The following ABCG2 variants were observed in gnomAD, a reference collection of about 807,000 sequenced individuals.
ABCG2 encodes the protein ATP binding cassette subfamily G member 2 (JR blood group).
Under a neutral mutation model 73.5 loss-of-function variants are expected in ABCG2, and 80 were observed. The observed-to-expected ratio is 1.09, with a 90% CI of 0.91 to 1.31. The LOEUF (loss-of-function observed/expected upper bound fraction) is 1.31. Ranked by LOEUF, ABCG2 falls within the 50% of genes most tolerant of loss-of-function variation. ABCG2 has a pLI of 0.00. For synonymous variants in ABCG2, 269 were observed against 282.4 expected (o/e 0.95, Z 0.48); for missense variants, 796 against 786.2 (o/e 1.01, Z -0.15).
At chr4:88,180,966 A>C (rs912925733) in intron 1 of ABCG2, among the ~76,000 whole-genome samples, 1 of 152,218 alleles carries the variant, frequency 6.6e-6, no homozygotes. Context: ...ACTTTTCAAG[A>C]CATAAAAAGT....
At chr4:88,213,895 A>G (rs1407341559) in intron 1 of ABCG2, among the ~76,000 whole-genome samples, 1 of 146,662 alleles carries the variant, frequency 6.8e-6, no homozygotes, top group South Asian at 2.3e-4. Flanking sequence ...GTTGGCAAGG[A>G]TGGTCTTGAT....
chr4:88,173,201 A>C (rs1018578174), intron 1 of ABCG2, among the ~76,000 whole-genome samples: 1 of 152,238 alleles, frequency 6.6e-6, no homozygotes, highest in Non-Finnish European at 1.5e-5. Context: ...TAGAAAGCAT[A>C]GTATGACAAA....
intron 7 of ABCG2, among the ~76,000 whole-genome samples, chr4:88,115,284 A>ATATAT (rs58774529): frequency 6.8e-5 from 5 of 73,176 alleles, no homozygotes; most frequent in African/African-American, 2.5e-4. Context: ...ATATATATAT[A>ATATAT]ATTTATTTAT....
In ABCG2 at chr4:88,121,850, G is replaced by A. The variant is rs1724018405; in HGVS notation, c.532-58C>T. ...ACAACCAGTCATTATCATTTGGTGA[G>A]CTCCTAACGTGTGCCAGTCCTGTAA... On this transcript the variant is annotated intron_variant, in intron 5 of 15. Coordinates refer to ENST00000237612, the MANE Select transcript of ABCG2 (RefSeq NM_004827.3). 4.5e-6 allele frequency: 7 copies of A among 1,543,666 alleles called. No individual in the cohort carries two copies. In the Admixed American group the frequency reaches 1.0e-4, roughly 23 times the overall value.
chr4:88,142,028 G>A (rs1725682945), intron 1 of ABCG2, among the ~76,000 whole-genome samples: 1 of 151,986 alleles, frequency 6.6e-6, no homozygotes, highest in Admixed American at 6.6e-5. Flanking sequence ...TGGAAGACTA[G>A]TACACAGAAA....
chr4:88,224,657 A>G (rs1372961805), intron 1 of ABCG2, among the ~76,000 whole-genome samples: 6 of 152,162 alleles, frequency 3.9e-5, no homozygotes, highest in Non-Finnish European at 8.8e-5. Context: ...ACACTGGGCC[A>G]AAAGTGTCCT....
chr4:88,139,169 G>A (rs890514653), intron 2 of ABCG2, among the ~76,000 whole-genome samples: 2 of 151,070 alleles, frequency 1.3e-5, no homozygotes, highest in African/African-American at 4.9e-5. Flanking sequence ...GTGAAGCCTT[G>A]AGCAGACGAG....
chr4:88,207,106 C>A (rs1405393399), intron 1 of ABCG2, among the ~76,000 whole-genome samples: 2 of 152,160 alleles, frequency 1.3e-5, no homozygotes, highest in Non-Finnish European at 2.9e-5. Flanking sequence ...CAAAGCAGTG[C>A]ATTTTTATGC....
chr4:88,187,821 A>T (rs1325887189), intron 1 of ABCG2, among the ~76,000 whole-genome samples: 1 of 152,156 alleles, frequency 6.6e-6, no homozygotes, highest in Non-Finnish European at 1.5e-5. Flanking sequence ...TAGAGAAGAC[A>T]CCCTACCAAA....
At chr4:88,110,301 G>A (rs1021346143) in intron 9 of ABCG2, among the ~76,000 whole-genome samples, 5 of 152,158 alleles carry the variant, frequency 3.3e-5, no homozygotes, top group South Asian at 2.1e-4. Context: ...CAGCACTGTG[G>A]GGGACTGAAG....
intron 1 of ABCG2, among the ~76,000 whole-genome samples, chr4:88,185,627 C>T (rs1189526283): frequency 6.6e-6 from 1 of 151,926 alleles, no homozygotes. Flanking sequence ...GATTAATAAC[C>T]AGAATGTATA....
intron 10 of ABCG2, among the ~76,000 whole-genome samples, chr4:88,106,783 G>A (rs186413101): frequency 6.6e-6 from 1 of 152,348 alleles, no homozygotes; most frequent in East Asian, 1.9e-4. Context: ...GCTCACGCCT[G>A]TAATCCCAGC....
intron 1 of ABCG2, among the ~76,000 whole-genome samples, chr4:88,203,750 G>C (rs1309071717): frequency 0.012 from 310 of 26,032 alleles, 1 homozygote; most frequent in African/African-American, 0.042. Context: ...GCGAAACTCA[G>C]TTTCAAAAAA....
intron 5 of ABCG2, among the ~76,000 whole-genome samples, chr4:88,126,707 C>T (rs933734651): frequency 2.6e-5 from 4 of 152,096 alleles, no homozygotes; most frequent in Non-Finnish European, 4.4e-5. Flanking sequence ...TGCAGTAAGG[C>T]CTTCGATAAA....
chr4:88,165,701 C>G (rs527313924), intron 1 of ABCG2, among the ~76,000 whole-genome samples: 78 of 152,318 alleles, frequency 5.1e-4, no homozygotes, highest in Non-Finnish European at 9.3e-4. Flanking sequence ...TAGTGAAACA[C>G]TGTCTCTACT....
At chr4:88,194,616 A>G (rs1728864658) in intron 1 of ABCG2, among the ~76,000 whole-genome samples, 1 of 147,414 alleles carries the variant, frequency 6.8e-6, no homozygotes, top group Admixed American at 6.9e-5. Context: ...AAATTGCTAT[A>G]CTGTCTTTGG....
At chr4:88,206,326 G>A (rs1237062061) in intron 1 of ABCG2, 1 of 150,936 alleles carries the variant, frequency 6.6e-6, no homozygotes, top group African/African-American at 2.4e-5. Flanking sequence ...CTGACCCTTA[G>A]AAGCACGGCC....
At chr4:88,092,995 T>C (rs1463786488) in intron 15 of ABCG2, among the ~76,000 whole-genome samples, 2 of 152,114 alleles carry the variant, frequency 1.3e-5, no homozygotes, top group Non-Finnish European at 2.9e-5. Flanking sequence ...TCACAGATAC[T>C]CAGGTACAAG....
chr4:88,132,631 T>A lies in ABCG2; in HGVS notation c.208A>T (p.Ile70Phe), dbSNP rs781446745. The A allele has an allele frequency of 3.7e-6, 6 of 1,614,160 alleles. No homozygotes were observed. Among genetic ancestry groups the A allele is most frequent in the Non-Finnish European group, 5.1e-6 (6 of 1,180,002 alleles). ...ATGGCGTTGAGACCAGGTTTCATGA[T>A]CCCACTGTAAACACAAAAACAGACT... ...EKEILSNING[I>F]MKPGLNAILG... Residue 70 changes from isoleucine (I) to phenylalanine (F), a missense_variant, in exon 3 of 16, where the codon ATC becomes TTC. Coordinates refer to ENST00000237612, the MANE Select transcript of ABCG2 (RefSeq NM_004827.3).
Sources: gnomAD v4.1 joint callset for allele counts (sites outside exome capture counted in the v4.1 genomes callset) on GRCh38, gnomAD v4.1.1 for gene constraint, MANE v1.5 for transcripts, NCBI Gene and HGNC (gene_info 2026-07-23, HGNC 2026-07-21) for gene names.